The following CDC42SE2 variants were observed in gnomAD, a reference collection of about 807,000 sequenced individuals.
CDC42SE2 encodes the protein CDC42 small effector protein 2.
CDC42SE2 carries 3 observed loss-of-function variants against 11.5 expected under a neutral mutation model. The observed-to-expected ratio is 0.26, with a 90% CI of 0.12 to 0.67. The LOEUF is 0.67. CDC42SE2 is among the 30% of genes least tolerant of loss of function. CDC42SE2 has a pLI of 0.80. For missense variants in CDC42SE2, 82 were observed against 106.8 expected (o/e 0.77, Z 1.02); for synonymous variants, 33 against 34.8 (o/e 0.95, Z 0.18).
chr5:131,356,957 T>A (rs1273462859), intron 2 of CDC42SE2, among the ~76,000 whole-genome samples: 1 of 152,120 alleles, frequency 6.6e-6, no homozygotes, highest in Non-Finnish European at 1.5e-5. Context: ...TGGGCAAGAT[T>A]TTTGATCCAG....
chr5:131,261,336 T>G (rs1020846921), upstream of CDC42SE2: 3 of 152,212 alleles, frequency 2.0e-5, no homozygotes, highest in African/African-American at 7.2e-5. Context: ...CTAGAAAAAT[T>G]TTATTTGGTA....
At chr5:131,229,190 T>C in the CDC42SE2 span, among the ~76,000 whole-genome samples, 3 of 152,116 alleles carry the variant, frequency 2.0e-5, no homozygotes, top group African/African-American at 7.2e-5. Context: ...TGTGTATGTG[T>C]GTTTTTAGAG....
At chr5:131,312,845 C>G (rs1163742355) in intron 1 of CDC42SE2, among the ~76,000 whole-genome samples, 1 of 152,194 alleles carries the variant, frequency 6.6e-6, no homozygotes, top group Non-Finnish European at 1.5e-5. Flanking sequence ...CGATCTGGCT[C>G]TCCCTAGTGA....
chr5:131,268,974 C>A (rs528120167), intron 1 of CDC42SE2, among the ~76,000 whole-genome samples: 1 of 151,956 alleles, frequency 6.6e-6, no homozygotes, highest in African/African-American at 2.4e-5. Context: ...TGGTCTCGAT[C>A]GCTTGACCTC....
intron 1 of CDC42SE2, among the ~76,000 whole-genome samples, chr5:131,287,790 T>C (rs1340719526): frequency 6.6e-6 from 1 of 152,196 alleles, no homozygotes; most frequent in Non-Finnish European, 1.5e-5. Flanking sequence ...TTCTTTGTAG[T>C]GTGTTTCTCT....
intron 2 of CDC42SE2, among the ~76,000 whole-genome samples, chr5:131,336,305 C>G (rs890356927): frequency 3.3e-5 from 5 of 152,212 alleles, no homozygotes; most frequent in African/African-American, 1.2e-4. Context: ...GTCCCCCACT[C>G]TCTTCTGGCT....
intron 2 of CDC42SE2, among the ~76,000 whole-genome samples, chr5:131,337,054 G>T (rs1758583502): frequency 6.6e-6 from 1 of 152,152 alleles, no homozygotes; most frequent in African/African-American, 2.4e-5. Flanking sequence ...CTGATTTTTA[G>T]CGTTTCCGGT....
upstream of CDC42SE2, among the ~76,000 whole-genome samples, chr5:131,259,456 A>AAAT (rs1263171279): frequency 1.3e-5 from 2 of 150,058 alleles, no homozygotes; most frequent in African/African-American, 5.1e-5. Context: ...TTCACAGCAC[A>AAAT]AGTATAGAAA....
chr5:131,347,209 G>C (rs551112558), intron 2 of CDC42SE2, among the ~76,000 whole-genome samples: 2 of 152,290 alleles, frequency 1.3e-5, no homozygotes, highest in Non-Finnish European at 2.9e-5. Flanking sequence ...GAATCCAGGA[G>C]TTGGTGTTTT....
chr5:131,289,597 C>G (rs1231735831), intron 1 of CDC42SE2, among the ~76,000 whole-genome samples: 1 of 151,624 alleles, frequency 6.6e-6, no homozygotes, highest in African/African-American at 2.4e-5. Flanking sequence ...GGCATGAACC[C>G]AGGAGGCAGA....
At chr5:131,327,391 C>T (rs1016822422) in intron 2 of CDC42SE2, among the ~76,000 whole-genome samples, 2 of 152,120 alleles carry the variant, frequency 1.3e-5, no homozygotes, top group African/African-American at 4.8e-5. Flanking sequence ...ACTACTTTTA[C>T]TTTCTTTATC....
chr5:131,258,399 TA>T (rs560137637), intron 2 of CDC42SE2, among the ~76,000 whole-genome samples: 1 of 151,918 alleles, frequency 6.6e-6, no homozygotes, highest in Non-Finnish European at 1.5e-5. Context: ...GTTAGCTGTT[TA>T]AAAAAAAGAA....
At position 131,296,803 on chromosome 5, in the gene CDC42SE2, A is replaced by G. The variant is rs146063377; in HGVS notation, c.-454-19173A>G. Among the ~76,000 whole-genome samples, 631 of 152,270 alleles carry G rather than the reference A, an allele frequency of 4.1e-3. 4 individuals carry two copies. The highest frequency in any genetic ancestry group is 0.013 in the African/African-American group (545 of 41,550). On this transcript the variant is annotated intron_variant, in intron 1 of 4. Coordinates refer to ENST00000505065, the MANE Select transcript of CDC42SE2 (RefSeq NM_001375635.1). ...TACAGTTTGATTATGTTGCTTCTCT[A>G]TAGTAGTCTTTCATATATGAAAATG...
the CDC42SE2 span, among the ~76,000 whole-genome samples, chr5:131,236,110 A>G: frequency 6.6e-6 from 1 of 151,956 alleles, no homozygotes; most frequent in Non-Finnish European, 1.5e-5. Flanking sequence ...TCTTGTGTTT[A>G]TCATATTAAT....
At chr5:131,355,679 A>G (rs1355205865) in intron 2 of CDC42SE2, among the ~76,000 whole-genome samples, 1 of 152,118 alleles carries the variant, frequency 6.6e-6, no homozygotes, top group Admixed American at 6.5e-5. Flanking sequence ...TAATACCTGA[A>G]CTGAGTTAAG....
rs533460762 is a variant in CDC42SE2 at position 131,346,991 on chromosome 5, T to C, written c.-285-12218T>C. Among the ~76,000 whole-genome samples, 112 of 152,158 alleles carry C rather than the reference T, an allele frequency of 7.4e-4. 1 individual carries two copies. Among genetic ancestry groups the C allele is most frequent in the African/African-American group, 2.4e-3 (100 of 41,530 alleles). On this transcript the variant is annotated intron_variant, in intron 2 of 4. Transcript: ENST00000505065. ...ACACAACAAATCTCCGGGACACATT[T>C]AAAGCAGTGTGTAGAGGGAAATTTA...
At chr5:131,387,331 C>G (rs1446685628) in intron 4 of CDC42SE2, among the ~76,000 whole-genome samples, 2 of 152,144 alleles carry the variant, frequency 1.3e-5, no homozygotes, top group East Asian at 3.9e-4. Flanking sequence ...GGTGGATCAT[C>G]TGAGCTCAGG....
intron 1 of CDC42SE2, among the ~76,000 whole-genome samples, chr5:131,308,119 G>A (rs1239120250): frequency 1.3e-5 from 2 of 152,110 alleles, no homozygotes; most frequent in Admixed American, 6.6e-5. Flanking sequence ...ATTGATTTTT[G>A]TATAAGGTGT....
chr5:131,373,303 T>C (rs1214990594), intron 3 of CDC42SE2, among the ~76,000 whole-genome samples: 1 of 151,910 alleles, frequency 6.6e-6, no homozygotes, highest in African/African-American at 2.4e-5. Flanking sequence ...AATAAAAAAA[T>C]AGATGGGATG....
Sources: allele counts gnomAD v4.1 joint callset (sites outside exome capture counted in the v4.1 genomes callset), GRCh38; gene constraint gnomAD v4.1.1; transcripts MANE v1.5; gene names NCBI Gene and HGNC (gene_info 2026-07-23, HGNC 2026-07-21).